The following PCDHGA10 variants were observed in gnomAD, a reference collection of about 807,000 sequenced individuals.
The protein encoded by PCDHGA10 is protocadherin gamma-A10.
A neutral mutation model predicts 59.5 loss-of-function variants in PCDHGA10; 42 were observed. The observed-to-expected ratio is 0.71, with a 90% CI of 0.55 to 0.91. PCDHGA10 has a LOEUF of 0.91. Ranked by LOEUF, PCDHGA10 falls within the 40% of genes least tolerant of loss-of-function variation. The pLI, the probability that PCDHGA10 is intolerant of heterozygous loss-of-function variation, is 0.00. For synonymous variants in PCDHGA10, 511 were observed against 517.2 expected (o/e 0.99, Z 0.16); for missense variants, 1,111 against 1,198.2 (o/e 0.93, Z 1.07).
At position 141,415,477 on chromosome 5, in the gene PCDHGA10, CGAAA is replaced by C. The variant is rs764359660; in HGVS notation, c.2305_2308del (p.Lys769ValfsTer3). 3.5e-5 allele frequency: 56 copies of C among 1,614,066 alleles called. No individual in the cohort carries two copies. The highest frequency in any genetic ancestry group is 3.3e-4 in the Middle Eastern group (2 of 6,084). ...CGAGGTCTCTCTCACCGCGGACTCG[CGAAA>C]GAGTCACCTGATCTTCCCCCAGCCC... is the stretch of plus-strand genomic sequence containing the variant. On this transcript the variant is annotated frameshift_variant, in exon 1 of 4. Coordinates refer to ENST00000398610, the MANE Select transcript of PCDHGA10 (RefSeq NM_018913.3). LOFTEE classifies it high-confidence loss of function.
chr5:141,473,647 C>T (rs2099326149), intron 1 of PCDHGA10, among the ~76,000 whole-genome samples: 1 of 152,172 alleles, frequency 6.6e-6, no homozygotes, highest in Non-Finnish European at 1.5e-5. Flanking sequence ...GGCAAAGGAA[C>T]AATTTGTGTG....
Position 141,438,625 on chromosome 5 carries a change from TATATATATATACAC to T in PCDHGA10, c.2436+23016_2436+23029del, listed in dbSNP as rs1291649000. Among the ~76,000 whole-genome samples, 88 of 46,398 alleles carry T rather than the reference TATATATATATACAC, an allele frequency of 1.9e-3. 1 individual carries two copies. The highest frequency in any genetic ancestry group is 8.6e-3 in the African/African-American group (72 of 8,380). 30.4% of individuals were successfully genotyped at this position (46,398 alleles called of 152,430 possible). A position where few individuals can be genotyped will look rare whatever the true frequency, so the allele number is the denominator to read the frequency against. ...ATATATATATATATATATATATATATATATATATATACACACACACACACACATATATGTATATA... is the reference window on the plus strand; with the variant it reads ...ATATATATATATATATATATATATATACACACACACACATATATGTATATA... On this transcript the variant is annotated intron_variant, in intron 1 of 3. Transcript: ENST00000398610.
intron 2 of PCDHGA10, among the ~76,000 whole-genome samples, chr5:141,498,872 G>T (rs912789877): frequency 1.4e-4 from 21 of 151,650 alleles, no homozygotes; most frequent in Non-Finnish European, 2.9e-4. Flanking sequence ...GGCGGAGGTT[G>T]CAGTGAGCTG....
In PCDHGA10 at chr5:141,422,942, G is replaced by T. The variant is rs199976232; in HGVS notation, c.2436+7331G>T. On this transcript the variant is annotated intron_variant, in intron 1 of 3. Transcript: ENST00000398610. Reference sequence around the variant, plus strand: ...CTGTACCCTGCCCTCCCCACAGACGGCTCCACTGGCGTGGAGCTGGCGCCC... The same window carrying T: ...CTGTACCCTGCCCTCCCCACAGACGTCTCCACTGGCGTGGAGCTGGCGCCC... The T allele has an allele frequency of 3.6e-4, 583 of 1,614,096 alleles. 1 individual carries two copies. Among genetic ancestry groups the T allele is most frequent in the South Asian group, 5.2e-4 (47 of 91,090 alleles).
In PCDHGA10 at chr5:141,487,493, C is replaced by T; in HGVS notation, c.2437-7314C>T. 6.2e-7 allele frequency: 1 copy of T among 1,614,168 alleles called. No individual in the cohort carries two copies. The highest frequency in any genetic ancestry group is 1.1e-5 in the South Asian group (1 of 91,088). On this transcript the variant is annotated intron_variant, in intron 1 of 3. Coordinates refer to ENST00000398610, the MANE Select transcript of PCDHGA10 (RefSeq NM_018913.3). The surrounding 1 kb of genome is among the most constrained non-coding windows in gnomAD (Gnocchi z 5.0). ...GGGAGGCCACTCTCATGGCTGTACA[C>T]CCTTGGCTTCTGCACCCACTCGGAG...
At chr5:141,429,387 T>A (rs372199649) in intron 1 of PCDHGA10, among the ~76,000 whole-genome samples, 4,783 of 151,430 alleles carry the variant, frequency 0.032, 106 homozygotes, top group African/African-American at 0.043. Context: ...GTTTTTTTTT[T>A]AAAAAAAATT....
chr5:141,480,380 A>C (rs1192159457), intron 1 of PCDHGA10, among the ~76,000 whole-genome samples: 3 of 151,970 alleles, frequency 2.0e-5, no homozygotes, highest in African/African-American at 4.8e-5. Context: ...GCACCACTAC[A>C]CTTCAACCAT....
chr5:141,487,857 T>A lies in PCDHGA10; in HGVS notation c.2437-6950T>A. Reference sequence around the variant, plus strand: ...TATCTGAGTAAGAAATGAAAGTAATTGGTGATCAAGAGCCAGGCTGTTGTG... The same window carrying A: ...TATCTGAGTAAGAAATGAAAGTAATAGGTGATCAAGAGCCAGGCTGTTGTG... On this transcript the variant is annotated intron_variant, in intron 1 of 3. Coordinates refer to ENST00000398610, the MANE Select transcript of PCDHGA10 (RefSeq NM_018913.3). The surrounding 1 kb of genome is among the most constrained non-coding windows in gnomAD (Gnocchi z 5.0). The A allele has an allele frequency of 1.0e-6, 1 of 964,674 alleles. No individual in the cohort carries two copies. Among genetic ancestry groups the A allele is most frequent in the Non-Finnish European group, 1.5e-6 (1 of 659,920 alleles). 59.8% of individuals were successfully genotyped at this position (964,674 alleles called of 1,614,324 possible). A position where few individuals can be genotyped will look rare whatever the true frequency, so the allele number is the denominator to read the frequency against.
intron 1 of PCDHGA10, chr5:141,423,091 G>GCGTAC (rs2096708211): frequency 2.5e-6 from 4 of 1,613,908 alleles, no homozygotes; most frequent in African/African-American, 2.7e-5. Context: ...CGCGGTGGGG[G>GCGTAC]AGCACACGGG....
intron 1 of PCDHGA10, among the ~76,000 whole-genome samples, chr5:141,452,145 C>T (rs1414317332): frequency 6.6e-6 from 1 of 152,020 alleles, no homozygotes; most frequent in Non-Finnish European, 1.5e-5. Flanking sequence ...GTGTTTTTTC[C>T]AATGAGTTAT....
chr5:141,427,546 C>T (rs779995777), intron 1 of PCDHGA10: 1 of 639,564 alleles, frequency 1.6e-6, no homozygotes, highest in South Asian at 1.5e-5. Context: ...GTCACCATCA[C>T]TGCCACTGAC....
At chr5:141,425,957 C>A (rs1317696447) in intron 1 of PCDHGA10, among the ~76,000 whole-genome samples, 1 of 152,140 alleles carries the variant, frequency 6.6e-6, no homozygotes, top group Non-Finnish European at 1.5e-5. Context: ...TACATTAGTC[C>A]AACACATCAG....
Position 141,415,188 on chromosome 5 carries a change from C to G in PCDHGA10, c.2013C>G (p.Ser671Arg), listed in dbSNP as rs2095841560. Residue 671 changes from serine to arginine, a missense_variant, in exon 1 of 4, where the codon AGC becomes AGG. By Grantham distance (110) the Ser-to-Arg change is moderately radical. Coordinates refer to ENST00000398610, the MANE Select transcript of PCDHGA10 (RefSeq NM_018913.3). Reference sequence around the variant, plus strand: ...CGCTCACCGTGGCCGTGGCCGACAGCATCCCCCAAGTCCTGGCGGACCTCG... The same window carrying G: ...CGCTCACCGTGGCCGTGGCCGACAGGATCCCCCAAGTCCTGGCGGACCTCG... ...TVTLTVAVAD[S>R]IPQVLADLGS... is the part of the protein sequence containing the mutation. 3 of 1,614,006 alleles carry G rather than the reference C, an allele frequency of 1.9e-6. No homozygotes were observed. The East Asian group carries it at 6.7e-5, about 36-fold the overall frequency.
Position 141,506,556 on chromosome 5 carries a change from AC to A in PCDHGA10, c.2584+1080del, listed in dbSNP as rs560503002. Among the ~76,000 whole-genome samples the A allele has an allele frequency of 4.0e-4, 60 of 151,718 alleles. 1 individual carries two copies. In the East Asian group the frequency reaches 0.011, roughly 28 times the overall value. ...AATGAGTCCTTAGGTAAGTTATTAA[AC>A]CCCCTCGGTTTCACTTACTATTAAT... On this transcript the variant is annotated intron_variant, in intron 3 of 3. Coordinates refer to ENST00000398610, the MANE Select transcript of PCDHGA10 (RefSeq NM_018913.3).
Position 141,417,842 on chromosome 5 carries a change from C to A in PCDHGA10, c.2436+2231C>A, listed in dbSNP as rs1247720013. 3 of 1,537,164 alleles carry A rather than the reference C, an allele frequency of 2.0e-6. No homozygotes were observed. The South Asian group carries it at 3.6e-5, about 19-fold the overall frequency. Reference sequence around the variant, plus strand: ...TCCAACTGGAAAAGCGGGGACCCAGCGAGAACCCGAGCGAACGATGGGAGG... The same window carrying A: ...TCCAACTGGAAAAGCGGGGACCCAGAGAGAACCCGAGCGAACGATGGGAGG... On this transcript the variant is annotated intron_variant, in intron 1 of 3. Transcript: ENST00000398610.
At position 141,493,202 on chromosome 5, in the gene PCDHGA10, A is replaced by G. The variant is rs1246390819; in HGVS notation, c.2437-1605A>G. Among the ~76,000 whole-genome samples, 1 of 152,196 alleles carries G rather than the reference A, an allele frequency of 6.6e-6. No individual in the cohort carries two copies. ...ACTATATAACTCCTTTGAGAACCTC[A>G]TCTCATTTGCTCTTCCCACCATTGC... On this transcript the variant is annotated intron_variant, in intron 1 of 3. Transcript: ENST00000398610. The surrounding 1 kb of genome is among the most constrained non-coding windows in gnomAD (Gnocchi z 4.3).
chr5:141,484,512 G>A (rs1178383152), intron 1 of PCDHGA10, among the ~76,000 whole-genome samples: 47 of 152,196 alleles, frequency 3.1e-4, no homozygotes, highest in Non-Finnish European at 4.0e-4. Context: ...TTCTGCAGAA[G>A]GGCAGAGTTT....
intron 1 of PCDHGA10, among the ~76,000 whole-genome samples, chr5:141,463,393 C>CA (rs955461719): frequency 5.7e-5 from 8 of 140,804 alleles, no homozygotes; most frequent in Non-Finnish European, 7.6e-5. Flanking sequence ...TGTCTCCAGG[C>CA]AAAAAAAATG....
At chr5:141,478,306 G>A (rs1316502939) in intron 1 of PCDHGA10, 2 of 1,614,056 alleles carry the variant, frequency 1.2e-6, no homozygotes, top group South Asian at 2.2e-5. Flanking sequence ...ACCGAGCCCC[G>A]GTGAGCTCAC....
Sources: allele counts gnomAD v4.1 joint callset (sites outside exome capture counted in the v4.1 genomes callset), GRCh38; gene constraint gnomAD v4.1.1; non-coding constraint Gnocchi (gnomAD v3.1); transcripts MANE v1.5; gene names NCBI Gene and HGNC (gene_info 2026-07-23, HGNC 2026-07-21).